Variants in ARHGAP32 observed in about 807,000 individuals in gnomAD.
The protein encoded by ARHGAP32 is Rho GTPase activating protein 32, also known as rho GTPase-activating protein 32.
In ARHGAP32, 51 loss-of-function variants were observed where a neutral mutation model predicts 186.5. That is an observed-to-expected ratio of 0.27 (90% CI 0.22 to 0.35). The LOEUF is 0.35. Ranked by LOEUF, ARHGAP32 falls within the 10% of genes least tolerant of loss-of-function variation. The pLI is 1.00. For missense variants in ARHGAP32, 2,186 were observed against 2,623.5 expected, an observed-to-expected ratio of 0.83 and a Z score of 3.64; for synonymous variants, 950 against 964.3, an observed-to-expected ratio of 0.99 and a Z score of 0.27.
At chr11:129,143,079 A>ATATATATATATATATATATATC (rs1289828541) in intron 2 of ARHGAP32, among the ~76,000 whole-genome samples, 1 of 148,442 alleles carries the variant, frequency 6.7e-6, no homozygotes, top group Non-Finnish European at 1.5e-5. Flanking sequence ...CTGCATATAT[A>ATATATATATATATATATATATC]TATATATATA....
At chr11:129,071,252 C>T (rs1940857166) in intron 6 of ARHGAP32, among the ~76,000 whole-genome samples, 2 of 151,280 alleles carry the variant, frequency 1.3e-5, no homozygotes, top group Non-Finnish European at 2.9e-5. Context: ...TTCTGCACAG[C>T]AAAGAAAATG....
At chr11:129,262,454 G>A (rs1945336140) in intron 1 of ARHGAP32, among the ~76,000 whole-genome samples, 1 of 151,858 alleles carries the variant, frequency 6.6e-6, no homozygotes, top group South Asian at 2.1e-4. Flanking sequence ...CGCAATCTTG[G>A]CTCACCGCAG....
At chr11:128,997,849 A>C (rs1318766113) in intron 12 of ARHGAP32, among the ~76,000 whole-genome samples, 1 of 152,150 alleles carries the variant, frequency 6.6e-6, no homozygotes, top group Non-Finnish European at 1.5e-5. Flanking sequence ...GGCTATGATC[A>C]CGCCACTGCA....
At chr11:128,973,568 T>C (rs1945456637) in intron 21 of ARHGAP32, 136 bp from the exon 22 acceptor site, 1 of 901,082 alleles carries the variant, frequency 1.1e-6, no homozygotes, top group African/African-American at 1.7e-5. Flanking sequence ...CATGATCTTC[T>C]ATCCCACATG....
chr11:129,019,870 T>C (rs1204337925), intron 11 of ARHGAP32, among the ~76,000 whole-genome samples: 1 of 152,142 alleles, frequency 6.6e-6, no homozygotes, highest in East Asian at 1.9e-4. Context: ...CTAAGGTATG[T>C]GCTAGTGAAA....
At chr11:129,026,337 G>A (rs537731103) in intron 11 of ARHGAP32, among the ~76,000 whole-genome samples, 1 of 152,168 alleles carries the variant, frequency 6.6e-6, no homozygotes, top group Non-Finnish European at 1.5e-5. Context: ...GTGCCATCTA[G>A]TGACTGTGTA....
At position 128,969,451 on chromosome 11, in the gene ARHGAP32, C is replaced by G. The variant is rs766742577; in HGVS notation, c.5762G>C (p.Gly1921Ala). Residue 1921 changes from glycine (G) to alanine (A), a missense_variant, in exon 23 of 23, where the codon GGG becomes GCG. Coordinates refer to ENST00000682385, the MANE Select transcript of ARHGAP32 (RefSeq NM_001378024.1). This position sits in a 1 kb window ranked among gnomAD's most constrained non-coding sequence, Gnocchi z 4.8. ...YPQGAGQLDY[G>A]SKGIPDTSEP... ...AGAAGTGTCTGGAATCCCTTTGGAC[C>G]CATAATCTAACTGGCCAGCTCCCTG... 23 of 1,614,136 alleles carry G rather than the reference C, an allele frequency of 1.4e-5. No homozygotes were observed. The East Asian group carries it at 5.1e-4, about 36-fold the overall frequency.
chr11:129,008,217 A>G (rs1187425290), intron 11 of ARHGAP32, among the ~76,000 whole-genome samples: 1 of 152,076 alleles, frequency 6.6e-6, no homozygotes, highest in Non-Finnish European at 1.5e-5. Flanking sequence ...GGTTTCTTTG[A>G]GGGTATTTTT....
rs542848951 is a variant in ARHGAP32, at chr11:129,141,696, A to G, written c.226-16802T>C. On this transcript the variant is annotated intron_variant, in intron 2 of 22. Transcript: ENST00000682385. ...GTATTTTATTACAATTAAAAATAAA[A>G]TATATAAAATCAAAAAAAAAAACTC... is the stretch of plus-strand genomic sequence containing the variant. Among the ~76,000 whole-genome samples, 13 of 151,802 alleles carry G rather than the reference A, an allele frequency of 8.6e-5. No homozygotes were observed. In the East Asian group the frequency reaches 1.4e-3, roughly 16 times the overall value.
At chr11:129,150,996 GACA>G (rs1943275050) in intron 2 of ARHGAP32, among the ~76,000 whole-genome samples, 1 of 151,084 alleles carries the variant, frequency 6.6e-6, no homozygotes, top group Non-Finnish European at 1.5e-5. Flanking sequence ...CCCCTAAGGT[GACA>G]ACTCAACAAA....
intron 1 of ARHGAP32, among the ~76,000 whole-genome samples, chr11:129,191,864 G>A (rs551063581): frequency 5.3e-5 from 8 of 152,210 alleles, no homozygotes; most frequent in Admixed American, 3.3e-4. Flanking sequence ...TCCTCCTGGC[G>A]TTCTAACAAG....
chr11:129,250,860 A>G (rs766651461), intron 1 of ARHGAP32, among the ~76,000 whole-genome samples: 3 of 151,894 alleles, frequency 2.0e-5, no homozygotes, highest in Non-Finnish European at 4.4e-5. Flanking sequence ...ACTAGCTTAC[A>G]TATGTCATAC....
intron 1 of ARHGAP32, among the ~76,000 whole-genome samples, chr11:129,176,170 A>G (rs901798074): frequency 9.5e-6 from 1 of 105,338 alleles, no homozygotes; most frequent in Non-Finnish European, 1.9e-5. Flanking sequence ...TAAACCAACA[A>G]AGATCAAAAG....
intron 1 of ARHGAP32, among the ~76,000 whole-genome samples, chr11:129,230,607 T>C (rs1482546362): frequency 6.6e-6 from 1 of 152,166 alleles, no homozygotes; most frequent in African/African-American, 2.4e-5. Context: ...CTCCAAGCTA[T>C]ATTAGTGACA....
intron 1 of ARHGAP32, among the ~76,000 whole-genome samples, chr11:129,208,327 C>T (rs926843612): frequency 1.3e-5 from 2 of 152,144 alleles, no homozygotes; most frequent in African/African-American, 4.8e-5. Context: ...AACACAGATT[C>T]ATGAGATGAT....
At chr11:129,026,919 G>A (rs889068960) in intron 11 of ARHGAP32, among the ~76,000 whole-genome samples, 2 of 151,052 alleles carry the variant, frequency 1.3e-5, no homozygotes, top group African/African-American at 2.4e-5. Context: ...CTAACACAGT[G>A]AAACCCCATC....
intron 6 of ARHGAP32, among the ~76,000 whole-genome samples, chr11:129,080,975 C>T (rs1941202795): frequency 6.6e-6 from 1 of 151,938 alleles, no homozygotes; most frequent in Non-Finnish European, 1.5e-5. Flanking sequence ...TTATGAACTA[C>T]TTTAAATGTG....
At chr11:129,091,329 G>A (rs1203991106) in intron 6 of ARHGAP32, among the ~76,000 whole-genome samples, 5 of 152,098 alleles carry the variant, frequency 3.3e-5, no homozygotes, top group Middle Eastern at 3.4e-3. Flanking sequence ...TAGATTTGAA[G>A]GTTCCAAATG....
At chr11:129,073,425 A>G (rs939587921) in intron 6 of ARHGAP32, among the ~76,000 whole-genome samples, 3 of 152,224 alleles carry the variant, frequency 2.0e-5, no homozygotes, top group Admixed American at 2.0e-4. Context: ...AATGCTAGAG[A>G]TCAAAAGCAG....
Sources: gnomAD v4.1 joint callset for allele counts (sites outside exome capture counted in the v4.1 genomes callset) on GRCh38, gnomAD v4.1.1 for gene constraint, Gnocchi (gnomAD v3.1) non-coding constraint, MANE v1.5 for transcripts, NCBI Gene and HGNC (gene_info 2026-07-23, HGNC 2026-07-21) for gene names.